RGS7: variants seen among roughly 807,000 people sequenced by gnomAD.
RGS7 encodes regulator of G protein signaling 7.
In RGS7, 27 loss-of-function variants were observed where a neutral mutation model predicts 81.1. The ratio of observed to expected loss-of-function variants is 0.33; its 90% CI spans 0.25 to 0.46. The LOEUF (loss-of-function observed/expected upper bound fraction) is 0.46, where lower values mean the gene tolerates loss of function less well. Among genes scored for constraint, RGS7 ranks in the 20% least tolerant of loss-of-function variants. RGS7 has a pLI of 1.00. For missense variants in RGS7, 396 were observed against 607.4 expected (o/e 0.65, Z 3.66); for synonymous variants, 208 against 207.7 (o/e 1.00, Z -0.01).
intron 2 of RGS7, among the ~76,000 whole-genome samples, chr1:241,134,127 T>C (rs2067315396): frequency 1.3e-5 from 2 of 152,214 alleles, no homozygotes; most frequent in Non-Finnish European, 2.9e-5. Context: ...AAATTTAGAA[T>C]AATTTAAGTT....
chr1:241,304,964 CA>C (rs1246567335), intron 2 of RGS7, among the ~76,000 whole-genome samples: 1 of 151,948 alleles, frequency 6.6e-6, no homozygotes, highest in Non-Finnish European at 1.5e-5. Context: ...CTTGAGCTGT[CA>C]AAAAAAGCTG....
At chr1:241,299,377 A>G (rs1340990150) in intron 2 of RGS7, among the ~76,000 whole-genome samples, 1 of 146,038 alleles carries the variant, frequency 6.8e-6, no homozygotes, top group Admixed American at 6.7e-5. Context: ...AAAATACTAC[A>G]GTTTTAGTGC....
intron 3 of RGS7, among the ~76,000 whole-genome samples, chr1:241,020,037 C>T (rs750833905): frequency 2.0e-5 from 3 of 152,168 alleles, no homozygotes; most frequent in Non-Finnish European, 4.4e-5. Context: ...AAGTGGAAGT[C>T]TCAGCTCTTC....
chr1:241,305,910 C>T (rs79942694), intron 2 of RGS7: 19,637 of 180,550 alleles, frequency 0.11, 1,344 homozygotes, highest in Middle Eastern at 0.16. Context: ...CTCCGAGGGC[C>T]GCCGCAGAGG....
chr1:241,260,160 C>T (rs1573395701), intron 2 of RGS7, among the ~76,000 whole-genome samples: 2 of 152,212 alleles, frequency 1.3e-5, no homozygotes, highest in South Asian at 4.1e-4. Flanking sequence ...CTATTGATCT[C>T]ACTCTTCTTT....
intron 2 of RGS7, among the ~76,000 whole-genome samples, chr1:241,109,225 T>C (rs1396340816): frequency 1.3e-5 from 2 of 152,106 alleles, no homozygotes; most frequent in African/African-American, 2.4e-5. Flanking sequence ...TGCCTCACCT[T>C]CTCACATACA....
intron 2 of RGS7, among the ~76,000 whole-genome samples, chr1:241,217,739 G>A (rs1203909253): frequency 6.6e-6 from 1 of 152,234 alleles, no homozygotes; most frequent in Non-Finnish European, 1.5e-5. Context: ...CTATGTATGT[G>A]TTAAGCATAA....
chr1:240,833,153 G>A (rs528507793), intron 9 of RGS7, among the ~76,000 whole-genome samples: 1 of 152,262 alleles, frequency 6.6e-6, no homozygotes, highest in East Asian at 1.9e-4. Flanking sequence ...AGTAAAGTAA[G>A]GGTGACTCGA....
intron 2 of RGS7, among the ~76,000 whole-genome samples, chr1:241,312,353 T>A (rs184931399): frequency 1.4e-4 from 21 of 152,318 alleles, no homozygotes; most frequent in Non-Finnish European, 1.5e-5. Context: ...ACTTTGTAGA[T>A]ATTGCATTTT....
At chr1:241,315,503 G>A (rs1401408573) in intron 2 of RGS7, among the ~76,000 whole-genome samples, 2 of 152,086 alleles carry the variant, frequency 1.3e-5, no homozygotes, top group Non-Finnish European at 2.9e-5. Flanking sequence ...AGTCTCTAAT[G>A]TTATTACTTT....
At position 241,144,147 on chromosome 1, in the gene RGS7, CATAT is replaced by C; in HGVS notation, c.79-45389_79-45386del. ...AATCTAGCTTTTCTAGTTTGTTCTT[CATAT>C]ATATATATATATGAGCATTTTCAAA... On this transcript the variant is annotated intron_variant, in intron 2 of 18. Transcript: ENST00000440928. The surrounding 1 kb of genome is among the most constrained non-coding windows in gnomAD (Gnocchi z 4.7). Among the ~76,000 whole-genome samples the C allele has an allele frequency of 6.7e-6, 1 of 149,740 alleles. No homozygotes were observed. Among genetic ancestry groups the C allele is most frequent in the East Asian group, 2.0e-4 (1 of 5,128 alleles).
chr1:241,288,199 G>A (rs2078920542), intron 2 of RGS7, among the ~76,000 whole-genome samples: 2 of 152,204 alleles, frequency 1.3e-5, no homozygotes, highest in Admixed American at 1.3e-4. Context: ...GTTTCACGTG[G>A]CCAAGAACTT....
chr1:240,935,612 C>T (rs1676488722), intron 5 of RGS7, among the ~76,000 whole-genome samples: 1 of 152,266 alleles, frequency 6.6e-6, no homozygotes, highest in Admixed American at 6.5e-5. Context: ...GGCAGTGAGA[C>T]TGTTCTATGA....
At chr1:241,173,936 C>G (rs377306218) in intron 2 of RGS7, among the ~76,000 whole-genome samples, 12 of 152,260 alleles carry the variant, frequency 7.9e-5, no homozygotes, top group East Asian at 5.8e-4. Flanking sequence ...CCACACCTAC[C>G]CATACTTTAC....
At chr1:241,034,631 CT>C (rs2060241489) in intron 3 of RGS7, among the ~76,000 whole-genome samples, 1 of 152,164 alleles carries the variant, frequency 6.6e-6, no homozygotes, top group Non-Finnish European at 1.5e-5. Flanking sequence ...ACACTTCTTG[CT>C]CTAAAAGTAT....
intron 4 of RGS7, among the ~76,000 whole-genome samples, chr1:240,949,521 C>T (rs954153054): frequency 6.6e-6 from 1 of 152,126 alleles, no homozygotes; most frequent in African/African-American, 2.4e-5. Flanking sequence ...CCTCAAGAGA[C>T]TCACAGTGAC....
intron 3 of RGS7, among the ~76,000 whole-genome samples, chr1:241,071,896 C>T (rs11584144): frequency 1.4e-5 from 1 of 72,926 alleles, no homozygotes; most frequent in Non-Finnish European, 2.7e-5. Context: ...AAAAAAAAAA[C>T]AAGAAAGAAA....
intron 2 of RGS7, among the ~76,000 whole-genome samples, chr1:241,177,368 A>G (rs1226702779): frequency 2.0e-5 from 3 of 152,160 alleles, no homozygotes; most frequent in Non-Finnish European, 4.4e-5. Context: ...TGTGTTTCCC[A>G]TGTTCAAGGA....
intron 3 of RGS7, among the ~76,000 whole-genome samples, chr1:241,083,698 T>C (rs1337684007): frequency 2.0e-5 from 3 of 152,224 alleles, no homozygotes; most frequent in Non-Finnish European, 4.4e-5. Flanking sequence ...ATTTTTAGTA[T>C]ACTCTTTCTT....
Sources: gnomAD v4.1 joint callset for allele counts (sites outside exome capture counted in the v4.1 genomes callset) on GRCh38, gnomAD v4.1.1 for gene constraint, Gnocchi (gnomAD v3.1) non-coding constraint, MANE v1.5 for transcripts, NCBI Gene and HGNC (gene_info 2026-07-23, HGNC 2026-07-21) for gene names.